Variants in MME observed in about 807,000 individuals in gnomAD.
The protein encoded by MME is membrane metalloendopeptidase.
A neutral mutation model predicts 113.2 loss-of-function variants in MME; 98 were observed. The observed-to-expected ratio is 0.87, with a 90% CI of 0.74 to 1.02. The LOEUF (loss-of-function observed/expected upper bound fraction) is 1.02, where lower values mean the gene tolerates loss of function less well. Ranked by LOEUF, MME falls within the 50% of genes least tolerant of loss-of-function variation. The pLI is 0.00. For missense variants in MME, 836 were observed against 896.0 expected, an observed-to-expected ratio of 0.93 and a Z score of 0.86; for synonymous variants, 292 against 300.6, an observed-to-expected ratio of 0.97 and a Z score of 0.30.
At chr3:155,134,674 A>C (rs893114425) in intron 8 of MME, among the ~76,000 whole-genome samples, 3 of 152,170 alleles carry the variant, frequency 2.0e-5, no homozygotes, top group Admixed American at 6.6e-5. Flanking sequence ...TTTCTGGGTC[A>C]AATGGTAGTT....
intron 3 of MME, among the ~76,000 whole-genome samples, chr3:155,099,895 T>G (rs371260206): frequency 3.0e-4 from 45 of 152,348 alleles, no homozygotes; most frequent in East Asian, 1.4e-3. Context: ...ATGATTTATA[T>G]TCCTTTGGGT....
chr3:155,064,649 C>A (rs1336818075), intron 1 of MME, among the ~76,000 whole-genome samples: 1 of 152,160 alleles, frequency 6.6e-6, no homozygotes, highest in Non-Finnish European at 1.5e-5. Flanking sequence ...ATACTGTTAC[C>A]TTCACTTGGA....
intron 8 of MME, among the ~76,000 whole-genome samples, chr3:155,134,578 G>A (rs912390209): frequency 6.6e-6 from 1 of 152,106 alleles, no homozygotes; most frequent in Non-Finnish European, 1.5e-5. Context: ...TTTTGCTATT[G>A]TGAGTAGTGC....
At chr3:155,084,818 C>T (rs983304913) in intron 2 of MME, among the ~76,000 whole-genome samples, 21 of 152,066 alleles carry the variant, frequency 1.4e-4, no homozygotes, top group Non-Finnish European at 5.9e-5. Flanking sequence ...CCTGGGGCTT[C>T]GTTGGTAGAG....
chr3:155,056,463 T>C (rs1209735477), intron 1 of MME, among the ~76,000 whole-genome samples: 1 of 146,600 alleles, frequency 6.8e-6, no homozygotes, highest in East Asian at 1.9e-4. Flanking sequence ...TTTACTGAGA[T>C]GATGATTTCC....
At chr3:155,058,041 T>C (rs1049953270) in intron 1 of MME, among the ~76,000 whole-genome samples, 23 of 152,232 alleles carry the variant, frequency 1.5e-4, no homozygotes, top group Middle Eastern at 3.4e-3. Context: ...CAAGTTTCTC[T>C]AAAAGCTACT....
rs762705814 is a variant in MME at position 155,138,245 on chromosome 3, C to T, written c.855+9C>T. 9 of 1,612,332 alleles carry T rather than the reference C, an allele frequency of 5.6e-6. No individual in the cohort carries two copies. The highest frequency in any genetic ancestry group is 1.7e-5 in the Admixed American group (1 of 59,918). On this transcript the variant is annotated intron_variant, in intron 9 of 22. Coordinates refer to ENST00000360490, the MANE Select transcript of MME (RefSeq NM_007289.4). ...AAAAAGAAATTGCCAATGTAAAACA[C>T]ATTTTTTTTTCTGATACACTGAATA...
At position 155,168,817 on chromosome 3, in the gene MME, T is replaced by G. The variant is rs1559963679; in HGVS notation, c.1980+20T>G. On this transcript the variant is annotated intron_variant, in intron 20 of 22. Transcript: ENST00000360490. ...TACAGAGTAAGTAAAAAAGATTTTC[T>G]TTCCATTTTAGTGATTTAGAGTGTT... 2 of 1,597,718 alleles carry G rather than the reference T, an allele frequency of 1.3e-6. No individual in the cohort carries two copies. Among genetic ancestry groups the G allele is most frequent in the African/African-American group, 1.3e-5 (1 of 74,560 alleles).
At chr3:155,039,492 CT>C (rs1468035363) in intron 1 of MME, among the ~76,000 whole-genome samples, 2 of 152,124 alleles carry the variant, frequency 1.3e-5, no homozygotes, top group East Asian at 3.9e-4. Context: ...AATAAGTACC[CT>C]TCATTTTCTA....
chr3:155,178,969 T>A (rs1712819806), intron 22 of MME, among the ~76,000 whole-genome samples: 1 of 152,014 alleles, frequency 6.6e-6, no homozygotes. Context: ...GTCTAGTGGG[T>A]GTGTCAGGAA....
chr3:155,086,663 G>C lies in MME; in HGVS notation c.196+1569G>C, dbSNP rs148547931. On this transcript the variant is annotated intron_variant, in intron 3 of 22. Transcript: ENST00000360490. ...AAGAAAAAGGAAGGTGGTAGCTGAGGGCAGCACCTGGGATATGAACACAAT... is the reference window on the plus strand; with the variant it reads ...AAGAAAAAGGAAGGTGGTAGCTGAGCGCAGCACCTGGGATATGAACACAAT... 7.2e-3 allele frequency among the ~76,000 whole-genome samples: 1,101 copies of C among 152,208 alleles called. 49 individuals carry two copies. The highest frequency in any genetic ancestry group is 0.057 in the Admixed American group (869 of 15,270).
In MME at chr3:155,143,590, T is replaced by C; in HGVS notation, c.1317+19T>C. On this transcript the variant is annotated intron_variant, in intron 13 of 22. Coordinates refer to ENST00000360490, the MANE Select transcript of MME (RefSeq NM_007289.4). Reference sequence around the variant, plus strand: ...ACATGTGGTAATGTTTTCAGAATAATACACTGTCAGTTATACAGGACACTA... The same window carrying C: ...ACATGTGGTAATGTTTTCAGAATAACACACTGTCAGTTATACAGGACACTA... The C allele has an allele frequency of 6.2e-7, 1 of 1,609,594 alleles. No individual in the cohort carries two copies. The highest frequency in any genetic ancestry group is 1.3e-5 in the African/African-American group (1 of 74,872).
chr3:155,037,631 G>A (rs1464561746), intron 1 of MME, among the ~76,000 whole-genome samples: 1 of 152,294 alleles, frequency 6.6e-6, no homozygotes, highest in African/African-American at 2.4e-5. Context: ...AACTAAGGAA[G>A]GAGGCTGTAA....
chr3:155,173,225 T>C (rs73875842), intron 22 of MME, among the ~76,000 whole-genome samples: 1 of 151,980 alleles, frequency 6.6e-6, no homozygotes, highest in Admixed American at 6.6e-5. Flanking sequence ...AAATCATAGA[T>C]CCTATGTATT....
chr3:155,110,245 G>C (rs905844837), intron 3 of MME, among the ~76,000 whole-genome samples: 2 of 152,234 alleles, frequency 1.3e-5, no homozygotes, highest in African/African-American at 4.8e-5. Flanking sequence ...GGAGGGAAGA[G>C]TGTGGGCTCA....
intron 1 of MME, among the ~76,000 whole-genome samples, chr3:155,042,000 C>T (rs536599624): frequency 3.3e-5 from 5 of 152,096 alleles, no homozygotes; most frequent in Non-Finnish European, 7.4e-5. Flanking sequence ...TGAGATCGAA[C>T]TTTGTCATTT....
chr3:155,067,766 A>G (rs1470582206), intron 1 of MME, among the ~76,000 whole-genome samples: 3 of 152,208 alleles, frequency 2.0e-5, no homozygotes, highest in Non-Finnish European at 2.9e-5. Flanking sequence ...GGCTAAAACT[A>G]AAAAGATTGA....
intron 20 of MME, among the ~76,000 whole-genome samples, chr3:155,169,836 G>A (rs1444730923): frequency 6.6e-6 from 1 of 152,080 alleles, no homozygotes; most frequent in African/African-American, 2.4e-5. Flanking sequence ...GTTGGATCAG[G>A]GAAGAGGAAG....
Position 155,183,228 on chromosome 3 carries a change from C to A in MME, c.*2769C>A, listed in dbSNP as rs886298843. ...CTTGTTCCAGCCCTATTCTGCCACT[C>A]CTGACAGGGTGACCTTGGGTATTTG... On this transcript the variant is annotated 3_prime_UTR_variant, in exon 23 of 23. Coordinates refer to ENST00000360490, the MANE Select transcript of MME (RefSeq NM_007289.4). 1.3e-5 allele frequency: 2 copies of A among 152,208 alleles called. No individual in the cohort carries two copies. The highest frequency in any genetic ancestry group is 4.8e-5 in the African/African-American group (2 of 41,432). The allele number at this position is 152,208 out of a possible 1,614,324, so 9.4% of individuals were successfully genotyped here. A position where few individuals can be genotyped will look rare whatever the true frequency, so the allele number is the denominator to read the frequency against.
Sources: allele counts gnomAD v4.1 joint callset (sites outside exome capture counted in the v4.1 genomes callset), GRCh38; gene constraint gnomAD v4.1.1; transcripts MANE v1.5; gene names NCBI Gene and HGNC (gene_info 2026-07-23, HGNC 2026-07-21).